Variants in PRRX1 observed in about 807,000 individuals in gnomAD.
PRRX1 encodes paired mesoderm homeobox protein 1.
Under a neutral mutation model 24.0 loss-of-function variants are expected in PRRX1, and 8 were observed. The observed-to-expected ratio is 0.33, with a 90% CI of 0.20 to 0.60. The LOEUF (loss-of-function observed/expected upper bound fraction) is 0.60. Among genes scored for constraint, PRRX1 ranks in the 20% least tolerant of loss-of-function variants. The pLI is 0.82. For synonymous variants in PRRX1, 160 were observed against 131.7 expected, an observed-to-expected ratio of 1.22 and a Z score of -1.47; for missense variants, 281 against 322.4, an observed-to-expected ratio of 0.87 and a Z score of 0.98.
intron 1 of PRRX1, among the ~76,000 whole-genome samples, chr1:170,677,831 T>G (rs1653373469): frequency 6.6e-6 from 1 of 152,206 alleles, no homozygotes; most frequent in South Asian, 2.1e-4. Context: ...TATTAAAGAT[T>G]TTACAGGGAT....
intron 1 of PRRX1, among the ~76,000 whole-genome samples, chr1:170,665,792 G>C (rs911251572): frequency 6.6e-6 from 1 of 152,230 alleles, no homozygotes; most frequent in African/African-American, 2.4e-5. Flanking sequence ...CTTAGTTCCG[G>C]CCTGGGCGCC....
chr1:170,705,480 G>A (rs1188941202), intron 1 of PRRX1, among the ~76,000 whole-genome samples: 1 of 151,956 alleles, frequency 6.6e-6, no homozygotes, highest in Non-Finnish European at 1.5e-5. Context: ...ACAGGGTTTC[G>A]CAATGTTGCT....
chr1:170,733,344 A>G (rs1012019500), intron 3 of PRRX1, among the ~76,000 whole-genome samples: 3 of 152,150 alleles, frequency 2.0e-5, no homozygotes, highest in African/African-American at 7.2e-5. Context: ...TTTTGGCTAA[A>G]GAGATGGAAT....
intron 1 of PRRX1, among the ~76,000 whole-genome samples, chr1:170,687,138 T>G (rs1269637789): frequency 6.6e-6 from 1 of 152,028 alleles, no homozygotes; most frequent in African/African-American, 2.4e-5. Flanking sequence ...CTCTCTTTTT[T>G]TTTTAACTTT....
intron 1 of PRRX1, among the ~76,000 whole-genome samples, chr1:170,686,175 G>T (rs931528494): frequency 5.1e-5 from 6 of 118,222 alleles, no homozygotes; most frequent in Non-Finnish European, 9.9e-5. Context: ...CTTAGTTAAG[G>T]GTACAAAAAA....
chr1:170,664,516 C>G, intron 1 of PRRX1, 57 bp downstream of exon 1: 1 of 1,547,410 alleles, frequency 6.5e-7, no homozygotes, highest in Admixed American at 1.9e-5. Flanking sequence ...GGCGGGGACC[C>G]GTGTAGGGCA....
chr1:170,713,677 A>T (rs1272936559), intron 1 of PRRX1, among the ~76,000 whole-genome samples: 1 of 152,214 alleles, frequency 6.6e-6, no homozygotes, highest in Non-Finnish European at 1.5e-5. Flanking sequence ...AACCATGCAA[A>T]ATAATGTAAT....
chr1:170,684,249 C>T (rs1322489559), intron 1 of PRRX1, among the ~76,000 whole-genome samples: 1 of 152,188 alleles, frequency 6.6e-6, no homozygotes, highest in African/African-American at 2.4e-5. Context: ...CTTTTATTCT[C>T]TATGCCTATT....
At chr1:170,677,476 AT>A (rs1194166812) in intron 1 of PRRX1, among the ~76,000 whole-genome samples, 1 of 152,216 alleles carries the variant, frequency 6.6e-6, no homozygotes, top group African/African-American at 2.4e-5. Flanking sequence ...ACCCCACAGC[AT>A]CTCTGACTAG....
At chr1:170,693,665 G>A (rs1434819688) in intron 1 of PRRX1, among the ~76,000 whole-genome samples, 2 of 152,092 alleles carry the variant, frequency 1.3e-5, no homozygotes, top group Non-Finnish European at 2.9e-5. Flanking sequence ...TAAGAAATTT[G>A]ATAGTGTGGA....
intron 1 of PRRX1, among the ~76,000 whole-genome samples, chr1:170,673,759 A>G (rs990844073): frequency 1.3e-5 from 2 of 152,190 alleles, no homozygotes; most frequent in South Asian, 4.1e-4. Flanking sequence ...TGCAAGACTT[A>G]TGCACTTCAG....
At chr1:170,680,098 A>G (rs983825267) in intron 1 of PRRX1, among the ~76,000 whole-genome samples, 1 of 152,192 alleles carries the variant, frequency 6.6e-6, no homozygotes, top group Non-Finnish European at 1.5e-5. Context: ...GACATATGCT[A>G]AAGTTATATC....
chr1:170,707,660 A>G (rs1654611337), intron 1 of PRRX1, among the ~76,000 whole-genome samples: 1 of 152,190 alleles, frequency 6.6e-6, no homozygotes, highest in Admixed American at 6.5e-5. Flanking sequence ...TAAATTAACC[A>G]CATAATTATA....
At chr1:170,729,951 G>C (rs764102611) in intron 3 of PRRX1, among the ~76,000 whole-genome samples, 1 of 152,154 alleles carries the variant, frequency 6.6e-6, no homozygotes, top group Non-Finnish European at 1.5e-5. Flanking sequence ...TTCGTGCTTC[G>C]TGGGTAGCAG....
intron 1 of PRRX1, 106 bp from the exon 2 acceptor site, chr1:170,719,620 T>C: frequency 7.9e-7 from 1 of 1,265,280 alleles, no homozygotes; most frequent in Non-Finnish European, 1.1e-6. Context: ...TTGATAAAGA[T>C]GTGAGCAAAT....
At chr1:170,726,059 G>A (rs565518875) in intron 2 of PRRX1, among the ~76,000 whole-genome samples, 161 bp from the exon 3 acceptor site, 40 of 152,106 alleles carry the variant, frequency 2.6e-4, no homozygotes, top group Non-Finnish European at 5.4e-4. Context: ...GAAGGCGGAT[G>A]GCATGTTTCT....
chr1:170,687,108 C>T (rs1417379202), intron 1 of PRRX1, among the ~76,000 whole-genome samples: 3 of 148,454 alleles, frequency 2.0e-5, no homozygotes, highest in Non-Finnish European at 3.0e-5. Context: ...TCATCTTGAC[C>T]ATTTAGGATT....
intron 3 of PRRX1, among the ~76,000 whole-genome samples, chr1:170,729,968 A>G (rs1655376361): frequency 6.6e-6 from 1 of 152,226 alleles, no homozygotes; most frequent in Admixed American, 6.5e-5. Flanking sequence ...GCAGTGATCA[A>G]CCAAGTCCTG....
chr1:170,720,526 A>C (rs1365788102), intron 2 of PRRX1, among the ~76,000 whole-genome samples: 1 of 152,106 alleles, frequency 6.6e-6, no homozygotes, highest in African/African-American at 2.4e-5. Flanking sequence ...TGTGATATAC[A>C]TTGTCCATCT....
Sources: allele counts gnomAD v4.1 joint callset (sites outside exome capture counted in the v4.1 genomes callset), GRCh38; gene constraint gnomAD v4.1.1; transcripts MANE v1.5; gene names NCBI Gene and HGNC (gene_info 2026-07-23, HGNC 2026-07-21).